Variants in PIK3R4 observed in about 807,000 individuals in gnomAD.
The protein encoded by PIK3R4 is phosphoinositide 3-kinase regulatory subunit 4.
Under a neutral mutation model 136.5 loss-of-function variants are expected in PIK3R4, and 46 were observed. The observed-to-expected ratio is 0.34, with a 90% CI of 0.27 to 0.43. PIK3R4 has a LOEUF of 0.43. PIK3R4 is among the 20% of genes least tolerant of loss of function. The pLI, the probability that PIK3R4 is intolerant of heterozygous loss-of-function variation, is 1.00. For missense variants in PIK3R4, 1,331 were observed against 1,649.5 expected (o/e 0.81, Z 3.35); for synonymous variants, 557 against 566.7 (o/e 0.98, Z 0.24).
chr3:130,699,988 C>T (rs1444325257), intron 13 of PIK3R4, among the ~76,000 whole-genome samples: 1 of 152,152 alleles, frequency 6.6e-6, no homozygotes, highest in Admixed American at 6.5e-5. Flanking sequence ...TATGAGAGTG[C>T]ATCAATGGCA....
intron 7 of PIK3R4, among the ~76,000 whole-genome samples, chr3:130,723,090 A>T (rs1390439645): frequency 5.6e-5 from 8 of 143,212 alleles, no homozygotes; most frequent in African/African-American, 1.9e-4. Flanking sequence ...AAAAAAAAAA[A>T]AAAAAAATTA....
In PIK3R4 at chr3:130,703,792, G is replaced by A; in HGVS notation, c.3029C>T (p.Thr1010Ile). ...RVSDEHSLFA[T>I]CSNDGTVKIW... ...TTTCACTGTGCCATCATTTGAACATGTTGCAAAAAGTGAGTGTTCATCAGA... is the reference window on the plus strand; with the variant it reads ...TTTCACTGTGCCATCATTTGAACATATTGCAAAAAGTGAGTGTTCATCAGA... Residue 1010 changes from threonine (T) to isoleucine (I), a missense_variant, in exon 13 of 20, where the codon ACA (threonine) becomes ATA (isoleucine). Around this residue, in one of 2 missense-constraint regions of PIK3R4, gnomAD observed 1,180 missense variants for 1,407.0 expected, o/e 0.84. Coordinates refer to ENST00000356763, the MANE Select transcript of PIK3R4 (RefSeq NM_014602.3). The A allele has an allele frequency of 6.2e-7, 1 of 1,612,976 alleles. No homozygotes were observed. Among genetic ancestry groups the A allele is most frequent in the Non-Finnish European group, 8.5e-7 (1 of 1,178,980 alleles).
chr3:130,715,347 T>C (rs745795102), intron 9 of PIK3R4, among the ~76,000 whole-genome samples: 73 of 151,924 alleles, frequency 4.8e-4, no homozygotes, highest in Non-Finnish European at 8.8e-4. Flanking sequence ...TGGTCTGGAA[T>C]TCCTGACCTC....
At chr3:130,710,699 TAATA>T (rs1177864234) in intron 9 of PIK3R4, among the ~76,000 whole-genome samples, 2 of 152,154 alleles carry the variant, frequency 1.3e-5, no homozygotes, top group Admixed American at 1.3e-4. Flanking sequence ...TTATTATAAT[TAATA>T]AATTTTATGA....
At chr3:130,700,182 T>C (rs2066567597) in intron 13 of PIK3R4, among the ~76,000 whole-genome samples, 1 of 152,208 alleles carries the variant, frequency 6.6e-6, no homozygotes, top group Non-Finnish European at 1.5e-5. Flanking sequence ...CATCAGGCTT[T>C]TGTTGCCCTT....
chr3:130,680,472 A>G (rs2066451233), intron 19 of PIK3R4, 141 bp downstream of exon 19: 1 of 505,660 alleles, frequency 2.0e-6, no homozygotes, highest in African/African-American at 1.9e-5. Flanking sequence ...ATTTTTTTAA[A>G]TACAGAAAAT....
At position 130,723,667 on chromosome 3, in the gene PIK3R4, CA is replaced by C. The variant is rs2066716302; in HGVS notation, c.1808-81del. The C allele has an allele frequency of 1.1e-5, 13 of 1,193,330 alleles. No individual in the cohort carries two copies. In the East Asian group the frequency reaches 3.3e-4, roughly 31 times the overall value. 73.9% of individuals were successfully genotyped at this position (1,193,330 alleles called of 1,614,324 possible). A position where few individuals can be genotyped will look rare whatever the true frequency, so the allele number is the denominator to read the frequency against. On this transcript the variant is annotated intron_variant, in intron 6 of 19. Transcript: ENST00000356763. ...CATTAAGTAAAGCAATAAAATTAAGCAAAAGCCAAACATATTAATCAATTAC... is the reference window on the plus strand; with the variant it reads ...CATTAAGTAAAGCAATAAAATTAAGCAAAGCCAAACATATTAATCAATTAC...
At chr3:130,745,297 A>G in intron 1 of PIK3R4, 33 bp from the exon 2 acceptor site, 1 of 1,403,044 alleles carries the variant, frequency 7.1e-7, no homozygotes, top group East Asian at 2.3e-5. Context: ...AAGAAAAAAG[A>G]CAAGAAACAA....
chr3:130,720,111 T>C (rs2066690391), intron 7 of PIK3R4, among the ~76,000 whole-genome samples: 1 of 152,236 alleles, frequency 6.6e-6, no homozygotes, highest in Non-Finnish European at 1.5e-5. Flanking sequence ...ATTAAGTAGC[T>C]GCCTGATACA....
rs112323952 is a variant in PIK3R4, at chr3:130,697,063, C to T, written c.3099-6409G>A. On this transcript the variant is annotated intron_variant, in intron 13 of 19. Transcript: ENST00000356763. Reference sequence around the variant, plus strand: ...TTCTATCTGACATTGGCCACTCCAGCTTTTTTTTTTTTTTTTTTTTTTTTT... The same window carrying T: ...TTCTATCTGACATTGGCCACTCCAGTTTTTTTTTTTTTTTTTTTTTTTTTT... Among the ~76,000 whole-genome samples, 150 of 73,070 alleles carry T rather than the reference C, an allele frequency of 2.1e-3. 1 individual carries two copies. The highest frequency in any genetic ancestry group is 8.8e-3 in the African/African-American group (140 of 15,970). The allele number at this position is 73,070 out of a possible 152,430, so 47.9% of individuals were successfully genotyped here. A position where few individuals can be genotyped will look rare whatever the true frequency, so the allele number is the denominator to read the frequency against.
intron 6 of PIK3R4, among the ~76,000 whole-genome samples, chr3:130,727,995 A>C (rs1463450030): frequency 6.8e-6 from 1 of 147,534 alleles, no homozygotes; most frequent in Non-Finnish European, 1.5e-5. Flanking sequence ...CAAAGCCTTT[A>C]ACTTAATTCT....
intron 4 of PIK3R4, among the ~76,000 whole-genome samples, chr3:130,731,792 A>G (rs1312643995): frequency 1.3e-5 from 2 of 152,244 alleles, no homozygotes; most frequent in Non-Finnish European, 2.9e-5. Flanking sequence ...ATGTATTTTA[A>G]TTATATTTAA....
intron 7 of PIK3R4, among the ~76,000 whole-genome samples, chr3:130,718,763 C>G (rs1336721991): frequency 1.3e-5 from 2 of 152,136 alleles, no homozygotes; most frequent in Non-Finnish European, 2.9e-5. Context: ...AGAATAAAAA[C>G]AGTTACCTCA....
Position 130,734,100 on chromosome 3 carries a change from T to TA in PIK3R4, c.897dup (p.Lys300Ter). On this transcript the variant is annotated frameshift_variant, in exon 4 of 20. Coordinates refer to ENST00000356763, the MANE Select transcript of PIK3R4 (RefSeq NM_014602.3). LOFTEE classifies it high-confidence loss of function. ...AAGTAATCTTCTGCCTCTAAACGTT[T>TA]ATCTGGCTCACGGTGAATCATCTGA... is the stretch of plus-strand genomic sequence containing the variant. 6.2e-7 allele frequency: 1 copy of TA among 1,613,618 alleles called. No homozygotes were observed. Among genetic ancestry groups the TA allele is most frequent in the Non-Finnish European group, 8.5e-7 (1 of 1,179,688 alleles).
chr3:130,732,073 G>T (rs1000128103), intron 4 of PIK3R4, among the ~76,000 whole-genome samples: 1 of 152,168 alleles, frequency 6.6e-6, no homozygotes, highest in Non-Finnish European at 1.5e-5. Flanking sequence ...AAGAAAAGCA[G>T]GATTGCTTCA....
At chr3:130,681,670 G>T in intron 16 of PIK3R4, 79 bp from the exon 17 acceptor site, 2 of 815,098 alleles carry the variant, frequency 2.5e-6, no homozygotes, top group East Asian at 2.5e-5. Context: ...TTGCAGTCCT[G>T]AGAGAAAGAA....
chr3:130,729,765 A>G (rs1280052813), intron 5 of PIK3R4, among the ~76,000 whole-genome samples: 2 of 152,178 alleles, frequency 1.3e-5, no homozygotes, highest in African/African-American at 4.8e-5. Context: ...GGAGAAAATT[A>G]CATCTATTAC....
At chr3:130,689,530 A>G (rs918760600) in intron 14 of PIK3R4, among the ~76,000 whole-genome samples, 2 of 152,248 alleles carry the variant, frequency 1.3e-5, no homozygotes, top group African/African-American at 4.8e-5. Flanking sequence ...AAATGCAAAA[A>G]GCAAAACAAA....
intron 14 of PIK3R4, among the ~76,000 whole-genome samples, chr3:130,688,803 A>AT (rs2066501754): frequency 6.6e-6 from 1 of 152,196 alleles, no homozygotes; most frequent in Admixed American, 6.5e-5. Context: ...AACATCATCT[A>AT]TAAGGAGTCA....
Sources: gnomAD v4.1 joint callset for allele counts (sites outside exome capture counted in the v4.1 genomes callset) on GRCh38, gnomAD v4.1.1 for gene constraint, gnomAD v4.1.1 regional missense constraint, MANE v1.5 for transcripts, NCBI Gene and HGNC (gene_info 2026-07-23, HGNC 2026-07-21) for gene names.